CLIP4: variants seen among roughly 807,000 people sequenced by gnomAD.
CLIP4 encodes the protein CAP-Gly domain containing linker protein family member 4.
CLIP4 carries 47 observed loss-of-function variants against 73.1 expected under a neutral mutation model. The observed-to-expected ratio is 0.64, with a 90% CI of 0.51 to 0.82. The LOEUF (loss-of-function observed/expected upper bound fraction) is 0.82, where lower values mean the gene tolerates loss of function less well. Among genes scored for constraint, CLIP4 ranks in the 40% least tolerant of loss-of-function variants. The pLI, the probability that CLIP4 is intolerant of heterozygous loss-of-function variation, is 0.00. For synonymous variants in CLIP4, 306 were observed against 295.4 expected, an observed-to-expected ratio of 1.04 and a Z score of -0.37; for missense variants, 874 against 852.9, an observed-to-expected ratio of 1.02 and a Z score of -0.31.
chr2:29,181,980 T>C lies in CLIP4; in HGVS notation c.*87T>C. 8.4e-7 allele frequency: 1 copy of C among 1,195,330 alleles called. No homozygotes were observed. The highest frequency in any genetic ancestry group is 1.7e-5 in the South Asian group (1 of 58,004). The allele number at this position is 1,195,330 out of a possible 1,614,324, so 74.0% of individuals were successfully genotyped here. On this transcript the variant is annotated 3_prime_UTR_variant, in exon 16 of 16. Coordinates refer to ENST00000320081, the MANE Select transcript of CLIP4 (RefSeq NM_024692.6). ...AAATGGTTTACTTTATTTAGCCATA[T>C]TAAAATTTTGAAAATATAGTTATCT...
chr2:29,133,907 A>G, intron 5 of CLIP4, 91 bp downstream of exon 5: 1 of 1,175,866 alleles, frequency 8.5e-7, no homozygotes, highest in Non-Finnish European at 1.2e-6. Context: ...TTTTCCTTCT[A>G]ATCCATCTTG....
At chr2:29,127,945 TA>T (rs1420759377) in intron 2 of CLIP4, among the ~76,000 whole-genome samples, 1 of 152,180 alleles carries the variant, frequency 6.6e-6, no homozygotes, top group Non-Finnish European at 1.5e-5. Context: ...TTATGACTGA[TA>T]AAATTATACC....
chr2:29,167,629 G>C, intron 14 of CLIP4, 89 bp downstream of exon 14: 1 of 909,846 alleles, frequency 1.1e-6, no homozygotes, highest in Non-Finnish European at 1.7e-6. Flanking sequence ...GTATACAAAA[G>C]GGTCTATAAA....
At chr2:29,108,596 C>A (rs1668300096) in intron 1 of CLIP4, among the ~76,000 whole-genome samples, 1 of 152,182 alleles carries the variant, frequency 6.6e-6, no homozygotes, top group Non-Finnish European at 1.5e-5. Context: ...GAGAAGACTA[C>A]CGTACCCACC....
chr2:29,160,308 CT>C, intron 11 of CLIP4, 24 bp from the exon 12 acceptor site: 1 of 1,613,904 alleles, frequency 6.2e-7, no homozygotes, highest in Non-Finnish European at 8.5e-7. Flanking sequence ...TGCCCTGCCC[CT>C]GTATCCCTCC....
Position 29,174,416 on chromosome 2 carries a change from G to A in CLIP4, c.1767G>A (p.Lys589=), listed in dbSNP as rs1440650878. 4 of 1,612,294 alleles carry A rather than the reference G, an allele frequency of 2.5e-6. No individual in the cohort carries two copies. Among genetic ancestry groups the A allele is most frequent in the Non-Finnish European group, 3.4e-6 (4 of 1,179,608 alleles). ...GCACAACTTCTGCTTCTTCCCAAAA[G>A]GAGATTAACAGAAGAAATGCTTTTT... ...SFSTTSASSQ[K]EINRRNAFSK... The change falls in exon 15 of 16, where the codon AAG becomes AAA. Residue 589 remains lysine (K), a synonymous_variant. Coordinates refer to ENST00000320081, the MANE Select transcript of CLIP4 (RefSeq NM_024692.6).
At position 29,117,453 on chromosome 2, in the gene CLIP4, T is replaced by C. The variant is rs951512064; in HGVS notation, c.-16+1788T>C. On this transcript the variant is annotated intron_variant, in intron 1 of 15. Transcript: ENST00000320081. ...CTGCCTCCCAGGTTCAAGCGATTGT[T>C]CTGCCTGAGCCTCTCGAGCAGCTGG... Among the ~76,000 whole-genome samples, 5 of 152,154 alleles carry C rather than the reference T, an allele frequency of 3.3e-5. No individual in the cohort carries two copies. The South Asian group carries it at 6.2e-4, about 19-fold the overall frequency.
At chr2:29,131,732 T>G (rs1389758633) in intron 3 of CLIP4, 1 of 242,048 alleles carries the variant, frequency 4.1e-6, no homozygotes, top group African/African-American at 2.3e-5. Flanking sequence ...CACTTTTGGT[T>G]GGTTTGGTAA....
chr2:29,126,595 G>A (rs768131401), intron 2 of CLIP4, among the ~76,000 whole-genome samples: 2 of 152,202 alleles, frequency 1.3e-5, no homozygotes, highest in Non-Finnish European at 2.9e-5. Flanking sequence ...GGAAGGCAGG[G>A]CATTAAGAAG....
chr2:29,143,915 G>A lies in CLIP4; in HGVS notation c.855G>A (p.Leu285=), dbSNP rs146544139. Residue 285 remains leucine (L), a synonymous_variant, in exon 7 of 16, where the codon TTG becomes TTA. Transcript: ENST00000320081. ...TGCTTACGTCACTTGGCCTGAAGTT[G>A]GGGGATCGTGTTGTTATTGCAGGAC... ...KAMLTSLGLK[L]GDRVVIAGQK... is the part of the protein sequence containing the mutation. 2.6e-4 allele frequency: 417 copies of A among 1,614,130 alleles called. 2 individuals are homozygous for A. The highest frequency in any genetic ancestry group is 4.9e-4 in the Middle Eastern group (3 of 6,062).
chr2:29,109,416 G>C (rs1208762104), intron 1 of CLIP4, among the ~76,000 whole-genome samples: 1 of 152,030 alleles, frequency 6.6e-6, no homozygotes, highest in Non-Finnish European at 1.5e-5. Context: ...TATTCATGAG[G>C]TACACAGTGA....
At chr2:29,147,065 T>G (rs930900559) in intron 8 of CLIP4, among the ~76,000 whole-genome samples, 1 of 152,212 alleles carries the variant, frequency 6.6e-6, no homozygotes, top group Non-Finnish European at 1.5e-5. Context: ...TCTGCATTTT[T>G]ATTTAATATC....
chr2:29,113,124 A>G (rs180920707), upstream of CLIP4, among the ~76,000 whole-genome samples: 1 of 152,330 alleles, frequency 6.6e-6, no homozygotes, highest in African/African-American at 2.4e-5. The surrounding 1 kb of genome is among the most constrained non-coding windows in gnomAD (Gnocchi z 4.0). Flanking sequence ...TACATGGAGC[A>G]AGTCACGCAG....
rs115245837 is a variant in CLIP4 at position 29,104,839 on chromosome 2, C to T, written c.-16+6892C>T. ...TGACAAGCTGAGCCTTGAGAGGCAT[C>T]CTGCTGTGAAGTCTGAGTTAGGGTA... On this transcript the variant is annotated intron_variant, in intron 1 of 14. Transcript: ENST00000401605. 9.8e-3 allele frequency among the ~76,000 whole-genome samples: 1,495 copies of T among 152,274 alleles called. 26 individuals carry two copies. The highest frequency in any genetic ancestry group is 0.034 in the African/African-American group (1,423 of 41,552).
chr2:29,107,358 G>GTTTTTTTTTTTTTTTTTTTT lies in CLIP4; in HGVS notation c.-16+9423_-16+9442dup, dbSNP rs796180363. On this transcript the variant is annotated intron_variant, in intron 1 of 14. Coordinates refer to the CLIP4 transcript ENST00000401605. ...ATTTCTAAATTCCTGGAACATGATA[G>GTTTTTTTTTTTTTTTTTTTT]TTTTTTTTTTTTTTTTTTTTTTTTT... 5.0e-4 allele frequency among the ~76,000 whole-genome samples: 33 copies of GTTTTTTTTTTTTTTTTTTTT among 65,356 alleles called. 9 individuals carry two copies. The highest frequency in any genetic ancestry group is 1.2e-3 in the East Asian group (2 of 1,658). The allele number at this position is 65,356 out of a possible 152,430, so 42.9% of individuals were successfully genotyped here.
At position 29,181,616 on chromosome 2, in the gene CLIP4, C is replaced by G; in HGVS notation, c.1841C>G (p.Ala614Gly). The G allele has an allele frequency of 6.2e-7, 1 of 1,613,398 alleles. No individual in the cohort carries two copies. Among genetic ancestry groups the G allele is most frequent in the Non-Finnish European group, 8.5e-7 (1 of 1,179,396 alleles). Residue 614 changes from alanine (A) to glycine (G), a missense_variant, in exon 16 of 16, where the codon GCA (alanine) becomes GGA (glycine). By Grantham distance (60) the Ala-to-Gly change is moderately conservative. Transcript: ENST00000320081. ...CGCAGTTGGAGCAGCACCCCCACCG[C>G]AGGTGGCATTGAAGGGAGCGTGAAG... ...LRRSWSSTPTAGGIEGSVKLH... is the reference protein window; with the variant it reads ...LRRSWSSTPTGGGIEGSVKLH...
At chr2:29,164,538 T>A (rs926003034) in intron 13 of CLIP4, among the ~76,000 whole-genome samples, 1 of 152,188 alleles carries the variant, frequency 6.6e-6, no homozygotes, top group Non-Finnish European at 1.5e-5. Context: ...AGAAACAAAG[T>A]CCTCATAAAA....
In CLIP4 at chr2:29,145,127, A is replaced by C. The variant is rs967644488; in HGVS notation, c.886-105A>C. On this transcript the variant is annotated intron_variant, in intron 7 of 15. Transcript: ENST00000320081. ...GCGAATTTTTAAAATTCACTTTGAG[A>C]GAGTGAATTTTTAAAAACTCCCATG... is the stretch of plus-strand genomic sequence containing the variant. 6 of 899,390 alleles carry C rather than the reference A, an allele frequency of 6.7e-6. No homozygotes were observed. The Admixed American group carries it at 1.7e-4, about 26-fold the overall frequency. The allele number at this position is 899,390 out of a possible 1,614,324, so 55.7% of individuals were successfully genotyped here. A position where few individuals can be genotyped will look rare whatever the true frequency, so the allele number is the denominator to read the frequency against.
chr2:29,146,974 T>G (rs1395575844), intron 8 of CLIP4, among the ~76,000 whole-genome samples: 1 of 152,212 alleles, frequency 6.6e-6, no homozygotes, highest in Non-Finnish European at 1.5e-5. Context: ...AATCTCATTT[T>G]TTTGGTCTAT....
Sources: gnomAD v4.1 joint callset for allele counts (sites outside exome capture counted in the v4.1 genomes callset) on GRCh38, gnomAD v4.1.1 for gene constraint, Gnocchi (gnomAD v3.1) non-coding constraint, MANE v1.5 for transcripts, NCBI Gene and HGNC (gene_info 2026-07-23, HGNC 2026-07-21) for gene names.